Variants in DIS3L2 observed in about 807,000 individuals in gnomAD.
DIS3L2 encodes the protein DIS3-like exonuclease 2.
Under a neutral mutation model 97.5 loss-of-function variants are expected in DIS3L2, and 34 were observed. The observed-to-expected ratio is 0.35, with a 90% confidence interval of 0.27 to 0.46. The LOEUF is 0.46. Ranked by LOEUF, DIS3L2 falls within the 20% of genes least tolerant of loss-of-function variation. The pLI, the probability that DIS3L2 is intolerant of heterozygous loss-of-function variation, is 1.00. For synonymous variants in DIS3L2, 435 were observed against 445.2 expected (o/e 0.98, Z 0.29); for missense variants, 1,038 against 1,146.0 (o/e 0.91, Z 1.36).
At chr2:232,103,696 C>T (rs1697273289) in intron 6 of DIS3L2, among the ~76,000 whole-genome samples, 2 of 152,128 alleles carry the variant, frequency 1.3e-5, no homozygotes, top group Non-Finnish European at 1.5e-5. Flanking sequence ...GGGAGCTTTT[C>T]TCATTGCCTT....
intron 5 of DIS3L2, among the ~76,000 whole-genome samples, chr2:232,086,100 A>AT (rs1162663995): frequency 6.6e-6 from 1 of 151,672 alleles, no homozygotes; most frequent in Non-Finnish European, 1.5e-5. Context: ...CCTGGCCTGG[A>AT]TTTTTTTCCT....
intron 9 of DIS3L2, among the ~76,000 whole-genome samples, chr2:232,185,842 T>A (rs1691415674): frequency 1.2e-5 from 1 of 82,818 alleles, no homozygotes. Context: ...AGAGTGAGAC[T>A]TCGTCTCAAA....
chr2:232,338,471 C>T (rs575906644), downstream of DIS3L2, among the ~76,000 whole-genome samples: 104 of 151,970 alleles, frequency 6.8e-4, no homozygotes, highest in African/African-American at 2.4e-3. Flanking sequence ...CAGAGCATGG[C>T]GGGTCCCTGG....
chr2:232,034,525 A>C (rs1292008922), intron 5 of DIS3L2, among the ~76,000 whole-genome samples: 2 of 151,036 alleles, frequency 1.3e-5, no homozygotes, highest in Non-Finnish European at 3.0e-5. Context: ...GAATTTGTTT[A>C]CTCTTGCTTC....
chr2:231,965,942 C>T (rs999429239), intron 1 of DIS3L2, among the ~76,000 whole-genome samples: 5 of 151,984 alleles, frequency 3.3e-5, no homozygotes, highest in African/African-American at 1.2e-4. Context: ...CTTCAACCTC[C>T]CGAAGTTCTG....
At position 232,136,712 on chromosome 2, in the gene DIS3L2, G is replaced by T. The variant is rs773590340; in HGVS notation, c.943G>T (p.Ala315Ser). 5 of 1,613,726 alleles carry T rather than the reference G, an allele frequency of 3.1e-6. No individual in the cohort carries two copies. In the East Asian group the frequency reaches 1.1e-4, roughly 36 times the overall value. The change falls in exon 8 of 21, where the codon GCC becomes TCC. Residue 315 changes from alanine (A) to serine (S), a missense_variant. This residue lies in a region of DIS3L2 where 813 missense variants were observed against 880.1 expected (regional missense o/e 0.92). Transcript: ENST00000325385. ...GGACTGGAAGGAGGACTGCAATTTT[G>T]CCCTGGGGTAGGTGATCTCTGGTAG... ...IVDWKEDCNF[A>S]LGQLAKSLGQ...
intron 14 of DIS3L2, 120 bp from the exon 15 acceptor site, chr2:232,329,693 G>T: frequency 9.6e-7 from 1 of 1,038,536 alleles, no homozygotes; most frequent in Non-Finnish European, 1.3e-6. Flanking sequence ...CTGGGAGGTT[G>T]TCTTTAAGCT....
intron 11 of DIS3L2, among the ~76,000 whole-genome samples, chr2:232,243,761 A>G (rs2106258294): frequency 6.6e-6 from 1 of 152,342 alleles, no homozygotes; most frequent in Admixed American, 6.5e-5. Context: ...GGGAAAATGG[A>G]GAAGTTAGCT....
intron 9 of DIS3L2, among the ~76,000 whole-genome samples, chr2:232,202,423 T>C (rs1160187717): frequency 6.6e-6 from 1 of 151,970 alleles, no homozygotes; most frequent in Non-Finnish European, 1.5e-5. Flanking sequence ...AAAAAAAACA[T>C]AGAACGATGA....
At chr2:232,130,121 T>C (rs142989063) in intron 6 of DIS3L2, among the ~76,000 whole-genome samples, 98 of 152,330 alleles carry the variant, frequency 6.4e-4, no homozygotes, top group African/African-American at 2.3e-3. Context: ...AAATCAGGGT[T>C]GGGTTTTTAA....
chr2:232,029,320 A>G (rs978594264), intron 4 of DIS3L2, among the ~76,000 whole-genome samples: 1 of 152,206 alleles, frequency 6.6e-6, no homozygotes, highest in Non-Finnish European at 1.5e-5. Context: ...GAAGGCCTGC[A>G]TTTCCTTGGC....
chr2:232,229,202 G>A (rs1366147957), intron 10 of DIS3L2, among the ~76,000 whole-genome samples: 1 of 151,644 alleles, frequency 6.6e-6, no homozygotes, highest in East Asian at 1.9e-4. Context: ...TTTGGATGAA[G>A]AATTTTGAAC....
Position 232,037,585 on chromosome 2 carries a change from A to G in DIS3L2, c.366+7505A>G, listed in dbSNP as rs938660716. Among the ~76,000 whole-genome samples the G allele has an allele frequency of 6.6e-6, 1 of 152,048 alleles. No individual in the cohort carries two copies. The highest frequency in any genetic ancestry group is 6.5e-5 in the Admixed American group (1 of 15,270). On this transcript the variant is annotated intron_variant, in intron 5 of 20. Transcript: ENST00000325385. The surrounding 1 kb of genome is among the most constrained non-coding windows in gnomAD (Gnocchi z 4.6). Reference sequence around the variant, plus strand: ...TATACCAGGAGTCACTGGGGTACGAAAAAAAACTCCTGCAGCTAGCTCGGT... The same window carrying G: ...TATACCAGGAGTCACTGGGGTACGAGAAAAAACTCCTGCAGCTAGCTCGGT...
rs114392695 is a variant in DIS3L2, at chr2:232,010,027, C to A, written c.-93-4808C>A. 5.1e-3 allele frequency among the ~76,000 whole-genome samples: 779 copies of A among 152,318 alleles called. 1 individual carries two copies. Among genetic ancestry groups the A allele is most frequent in the Non-Finnish European group, 7.6e-3 (515 of 68,030 alleles). The stretch of plus-strand genomic sequence containing the variant: ...TTGTCCTACCCTGGTAGCTTCTGTA[C>A]CAAGGAATTGGGAGCGAGTGTGGGA... On this transcript the variant is annotated intron_variant, in intron 1 of 20. Coordinates refer to ENST00000325385, the MANE Select transcript of DIS3L2 (RefSeq NM_152383.5).
intron 13 of DIS3L2, among the ~76,000 whole-genome samples, chr2:232,299,796 T>C (rs896951408): frequency 6.6e-6 from 1 of 152,234 alleles, no homozygotes; most frequent in Non-Finnish European, 1.5e-5. Context: ...TAGCACAAGA[T>C]AGGTGCTTAA....
chr2:232,103,495 A>G (rs1396098841), intron 6 of DIS3L2, among the ~76,000 whole-genome samples: 1 of 152,198 alleles, frequency 6.6e-6, no homozygotes, highest in Non-Finnish European at 1.5e-5. Flanking sequence ...TGTTAACATG[A>G]TGACATATAA....
chr2:232,289,711 A>G (rs1165810244), intron 13 of DIS3L2, among the ~76,000 whole-genome samples: 3 of 152,212 alleles, frequency 2.0e-5, no homozygotes, highest in African/African-American at 7.2e-5. Context: ...CTCTATCCTA[A>G]TCTGATTCCA....
At chr2:231,974,090 A>G (rs1039021137) in intron 1 of DIS3L2, among the ~76,000 whole-genome samples, 1 of 152,156 alleles carries the variant, frequency 6.6e-6, no homozygotes, top group East Asian at 1.9e-4. Context: ...ATATGCAAAG[A>G]TGTTACTTTT....
intron 9 of DIS3L2, among the ~76,000 whole-genome samples, chr2:232,184,302 A>G (rs1237591724): frequency 1.3e-5 from 2 of 152,206 alleles, no homozygotes; most frequent in Admixed American, 1.3e-4. Flanking sequence ...GTCCTGCAGA[A>G]AAGCTACAAG....
Sources: allele counts gnomAD v4.1 joint callset (sites outside exome capture counted in the v4.1 genomes callset), GRCh38; gene constraint gnomAD v4.1.1; regional missense constraint gnomAD v4.1.1; non-coding constraint Gnocchi (gnomAD v3.1); transcripts MANE v1.5; gene names NCBI Gene and HGNC (gene_info 2026-07-23, HGNC 2026-07-21).